Variants in DNAI4 observed in about 807,000 individuals in gnomAD.
DNAI4 encodes dynein axonemal intermediate chain 4, also known as WD repeat domain 78.
DNAI4 carries 85 observed loss-of-function variants against 105.8 expected under a neutral mutation model. The ratio of observed to expected loss-of-function variants is 0.80; its 90% CI spans 0.67 to 0.96. The LOEUF (loss-of-function observed/expected upper bound fraction) is 0.96, where lower values mean the gene tolerates loss of function less well. Among genes scored for constraint, DNAI4 ranks in the 40% least tolerant of loss-of-function variants. DNAI4 has a pLI of 0.00. For synonymous variants in DNAI4, 352 were observed against 331.5 expected, an observed-to-expected ratio of 1.06 and a Z score of -0.67; for missense variants, 1,014 against 1,005.6, an observed-to-expected ratio of 1.01 and a Z score of -0.11.
At chr1:66,895,253 A>AG (rs1648216647) in intron 2 of DNAI4, among the ~76,000 whole-genome samples, 1 of 152,234 alleles carries the variant, frequency 6.6e-6, no homozygotes, top group South Asian at 2.1e-4. Flanking sequence ...TCAAGGCAGA[A>AG]GGACTGCTTG....
intron 1 of DNAI4, among the ~76,000 whole-genome samples, chr1:66,921,895 AT>A (rs71058482): frequency 0.64 from 79,955 of 124,464 alleles, 24,610 homozygotes; most frequent in South Asian, 0.79. Flanking sequence ...ACTTGTAGAA[AT>A]TTTTTTTTTT....
chr1:66,825,036 C>A (rs1183964669), intron 15 of DNAI4, among the ~76,000 whole-genome samples: 2 of 152,144 alleles, frequency 1.3e-5, no homozygotes, highest in Non-Finnish European at 2.9e-5. Context: ...ATAAATGTCT[C>A]TCTCAAGAGA....
At position 66,899,742 on chromosome 1, in the gene DNAI4, T is replaced by G. The variant is rs78669181; in HGVS notation, c.345+5459A>C. On this transcript the variant is annotated intron_variant, in intron 2 of 16. Coordinates refer to ENST00000371026, the MANE Select transcript of DNAI4 (RefSeq NM_024763.5). ...AATAAATTTTGAATTAGTTTGAAAA[T>G]ATGAGGTAAGGGTCTAAGTTCATTC... is the stretch of plus-strand genomic sequence containing the variant. Among the ~76,000 whole-genome samples the G allele has an allele frequency of 9.5e-3, 1,442 of 152,330 alleles. 20 individuals carry two copies. Among genetic ancestry groups the G allele is most frequent in the African/African-American group, 0.032 (1,342 of 41,582 alleles).
chr1:66,924,757 T>C lies in DNAI4; in HGVS notation c.75A>G (p.Arg25=), dbSNP rs1651040958. The C allele has an allele frequency of 6.2e-7, 1 of 1,614,154 alleles. No homozygotes were observed. Among genetic ancestry groups the C allele is most frequent in the Non-Finnish European group, 8.5e-7 (1 of 1,180,018 alleles). ...NGGAWGYRDF[R]GGQKKGWCTT... The stretch of plus-strand genomic sequence containing the variant: ...TGCACCACCCCTTTTTTTGGCCGCC[T>C]CTGAAGTCCCTGTACCCCCAAGCTC... Residue 25 remains arginine, a synonymous_variant, in exon 1 of 17, where the codon AGA becomes AGG. Transcript: ENST00000371026.
intron 4 of DNAI4, among the ~76,000 whole-genome samples, chr1:66,880,517 GTGGTGACA>G (rs1310855276): frequency 6.6e-6 from 1 of 152,196 alleles, no homozygotes; most frequent in Non-Finnish European, 1.5e-5. Flanking sequence ...AGCAAAAAGA[GTGGTGACA>G]TTTTGCCTCT....
chr1:66,923,254 T>G (rs958519620), intron 1 of DNAI4, among the ~76,000 whole-genome samples: 2 of 152,228 alleles, frequency 1.3e-5, no homozygotes, highest in Admixed American at 1.3e-4. Flanking sequence ...TACACAAACC[T>G]AGATGTATAG....
At chr1:66,870,153 A>G (rs1388465409) in intron 6 of DNAI4, among the ~76,000 whole-genome samples, 1 of 152,186 alleles carries the variant, frequency 6.6e-6, no homozygotes, top group Non-Finnish European at 1.5e-5. Context: ...TAAGAATAAA[A>G]CCGGCCATGG....
intron 8 of DNAI4, 29 bp downstream of exon 8, chr1:66,847,455 G>A (rs1646300402): frequency 1.9e-6 from 3 of 1,598,352 alleles, no homozygotes; most frequent in South Asian, 2.2e-5. Context: ...ACTGCACCCA[G>A]CCTAAACATG....
At chr1:66,850,715 T>C (rs748608651) in intron 7 of DNAI4, among the ~76,000 whole-genome samples, 3 of 151,890 alleles carry the variant, frequency 2.0e-5, no homozygotes, top group Non-Finnish European at 4.4e-5. Flanking sequence ...AAGGCAAATA[T>C]AAATGGGGGT....
At chr1:66,818,374 A>C (rs1020791002) in intron 16 of DNAI4, among the ~76,000 whole-genome samples, 2 of 152,052 alleles carry the variant, frequency 1.3e-5, no homozygotes, top group African/African-American at 4.8e-5. Context: ...AAAGTCCAAT[A>C]TATTAAATTT....
chr1:66,816,476 AATT>A (rs923665360), intron 16 of DNAI4, among the ~76,000 whole-genome samples: 3 of 152,098 alleles, frequency 2.0e-5, no homozygotes, highest in African/African-American at 7.2e-5. Flanking sequence ...TGAAACTTCA[AATT>A]ATTATTATGA....
chr1:66,850,683 T>C (rs529992395), intron 7 of DNAI4, among the ~76,000 whole-genome samples: 12 of 152,144 alleles, frequency 7.9e-5, no homozygotes, highest in African/African-American at 2.9e-4. Flanking sequence ...AATATCTTTC[T>C]AAATACTTAG....
chr1:66,909,981 C>T (rs1039179370), intron 1 of DNAI4, among the ~76,000 whole-genome samples: 6 of 152,156 alleles, frequency 3.9e-5, no homozygotes, highest in East Asian at 1.9e-4. Flanking sequence ...AATAGCCTTT[C>T]GCTTCATCTT....
At chr1:66,880,410 T>C (rs937412435) in intron 4 of DNAI4, among the ~76,000 whole-genome samples, 1 of 152,174 alleles carries the variant, frequency 6.6e-6, no homozygotes, top group Admixed American at 6.5e-5. Flanking sequence ...TTGACCAAAA[T>C]GCTGAGAGCG....
At chr1:66,893,510 AT>A in intron 2 of DNAI4, 97 bp from the exon 3 acceptor site, 1 of 834,990 alleles carries the variant, frequency 1.2e-6, no homozygotes, top group Non-Finnish European at 1.8e-6. Context: ...TAGAAAAAAG[AT>A]TAGTATAATG....
intron 16 of DNAI4, among the ~76,000 whole-genome samples, chr1:66,814,980 A>G (rs1645487449): frequency 6.6e-6 from 1 of 152,224 alleles, no homozygotes; most frequent in Non-Finnish European, 1.5e-5. Flanking sequence ...TAAGCAAGAC[A>G]GTATAGTGAA....
chr1:66,877,546 C>A (rs1329300034), intron 4 of DNAI4, among the ~76,000 whole-genome samples: 2 of 151,674 alleles, frequency 1.3e-5, no homozygotes, highest in African/African-American at 4.8e-5. Context: ...TTCTGTATAC[C>A]CTATATCCAG....
At chr1:66,895,850 G>C (rs1265070153) in intron 2 of DNAI4, among the ~76,000 whole-genome samples, 2 of 152,056 alleles carry the variant, frequency 1.3e-5, no homozygotes, top group South Asian at 4.2e-4. Flanking sequence ...TTACACTAAG[G>C]GTTTTTAAAT....
chr1:66,878,516 T>C (rs912817223), intron 4 of DNAI4, among the ~76,000 whole-genome samples: 3 of 152,182 alleles, frequency 2.0e-5, no homozygotes, highest in African/African-American at 7.2e-5. Flanking sequence ...TTGCTGCTTC[T>C]GGGGTATCAT....
Sources: gnomAD v4.1 joint callset for allele counts (sites outside exome capture counted in the v4.1 genomes callset) on GRCh38, gnomAD v4.1.1 for gene constraint, MANE v1.5 for transcripts, NCBI Gene and HGNC (gene_info 2026-07-23, HGNC 2026-07-21) for gene names.